The following PAPPA2 variants were observed in gnomAD, a reference collection of about 807,000 sequenced individuals.
PAPPA2 encodes the protein pappalysin 2, also known as pappalysin-2.
A neutral mutation model predicts 176.4 loss-of-function variants in PAPPA2; 86 were observed. The observed-to-expected ratio is 0.49, with a 90% CI of 0.41 to 0.58. The LOEUF (loss-of-function observed/expected upper bound fraction) is 0.58. PAPPA2 is among the 20% of genes least tolerant of loss of function. The probability of loss-of-function intolerance (pLI) is 0.00; values close to 1 mark genes in which losing one functional copy is unlikely to be tolerated. For synonymous variants in PAPPA2, 809 were observed against 852.2 expected, an observed-to-expected ratio of 0.95 and a Z score of 0.88; for missense variants, 2,073 against 2,256.9, an observed-to-expected ratio of 0.92 and a Z score of 1.65.
At chr1:176,632,326 T>C (rs1040640502) in intron 3 of PAPPA2, among the ~76,000 whole-genome samples, 6 of 151,424 alleles carry the variant, frequency 4.0e-5, no homozygotes, top group Non-Finnish European at 8.8e-5. Context: ...CTTTGAAGTT[T>C]TGTGGGCTAC....
At chr1:176,823,156 C>A (rs1193715417) in intron 21 of PAPPA2, among the ~76,000 whole-genome samples, 1 of 152,156 alleles carries the variant, frequency 6.6e-6, no homozygotes, top group South Asian at 2.1e-4. Flanking sequence ...GCTTCCTGCC[C>A]CTCCATTCCA....
At chr1:176,821,272 CAT>C (rs1666655500) in intron 21 of PAPPA2, among the ~76,000 whole-genome samples, 1 of 152,082 alleles carries the variant, frequency 6.6e-6, no homozygotes. Flanking sequence ...ATAATACAAT[CAT>C]ATGAATAAGG....
intron 17 of PAPPA2, among the ~76,000 whole-genome samples, chr1:176,773,209 G>A (rs894578494): frequency 2.0e-5 from 3 of 152,156 alleles, no homozygotes; most frequent in African/African-American, 7.2e-5. Flanking sequence ...TATTTACCAC[G>A]TTATGTAAGC....
intron 3 of PAPPA2, among the ~76,000 whole-genome samples, chr1:176,670,441 C>G (rs1658925943): frequency 6.6e-6 from 1 of 152,282 alleles, no homozygotes; most frequent in Non-Finnish European, 1.5e-5. Context: ...TCCTTCCCTG[C>G]TTATAACTCA....
At chr1:176,579,024 G>A (rs1347176463) in intron 2 of PAPPA2, among the ~76,000 whole-genome samples, 1 of 152,082 alleles carries the variant, frequency 6.6e-6, no homozygotes, top group Non-Finnish European at 1.5e-5. Flanking sequence ...CCCCTCATTA[G>A]GGTGGTGGGG....
intron 2 of PAPPA2, among the ~76,000 whole-genome samples, chr1:176,576,884 A>G (rs1652680080): frequency 1.3e-5 from 2 of 151,498 alleles, no homozygotes; most frequent in South Asian, 2.1e-4. Flanking sequence ...CTGATTTTAG[A>G]TAGTGTAGAA....
chr1:176,746,336 C>T (rs1395038607), intron 14 of PAPPA2, among the ~76,000 whole-genome samples: 1 of 152,162 alleles, frequency 6.6e-6, no homozygotes, highest in African/African-American at 2.4e-5. Flanking sequence ...CAAGAGGAAA[C>T]CTCTGTTCTC....
At chr1:176,683,899 CT>C (rs780133015) in intron 4 of PAPPA2, among the ~76,000 whole-genome samples, 1 of 152,178 alleles carries the variant, frequency 6.6e-6, no homozygotes, top group Non-Finnish European at 1.5e-5. Context: ...GTACAATCAA[CT>C]TTATTGGACC....
chr1:176,496,384 A>G (rs1427204502), intron 1 of PAPPA2, among the ~76,000 whole-genome samples: 1 of 152,144 alleles, frequency 6.6e-6, no homozygotes, highest in East Asian at 1.9e-4. Flanking sequence ...AGAAGATGAA[A>G]CCTTTGTCCT....
chr1:176,759,579 A>T (rs1471475240), intron 14 of PAPPA2, among the ~76,000 whole-genome samples: 1 of 152,156 alleles, frequency 6.6e-6, no homozygotes, highest in Non-Finnish European at 1.5e-5. Context: ...CCTCAGGGAA[A>T]CCTTGAACCA....
At chr1:176,749,682 A>G (rs1663077526) in intron 14 of PAPPA2, among the ~76,000 whole-genome samples, 2 of 152,208 alleles carry the variant, frequency 1.3e-5, no homozygotes. Flanking sequence ...TGCCTTTTCC[A>G]TAATGTCATA....
At chr1:176,793,427 C>A in intron 19 of PAPPA2, 133 bp from the exon 20 acceptor site, 1 of 709,166 alleles carries the variant, frequency 1.4e-6, no homozygotes, top group Non-Finnish European at 2.4e-6. Context: ...ATCAGCCCTG[C>A]CTACAACGTC....
intron 3 of PAPPA2, among the ~76,000 whole-genome samples, chr1:176,650,113 T>C (rs866846250): frequency 1.6e-4 from 24 of 151,606 alleles, no homozygotes; most frequent in African/African-American, 5.8e-4. Context: ...CATTATATTA[T>C]CTCGCTCAAT....
At chr1:176,763,646 C>T (rs1275546496) in intron 14 of PAPPA2, among the ~76,000 whole-genome samples, 1 of 152,068 alleles carries the variant, frequency 6.6e-6, no homozygotes, top group Non-Finnish European at 1.5e-5. Context: ...CTAGTTGGAA[C>T]ATTGAGCATT....
At chr1:176,731,887 TC>T (rs1362716423) in intron 12 of PAPPA2, among the ~76,000 whole-genome samples, 1 of 152,160 alleles carries the variant, frequency 6.6e-6, no homozygotes, top group Non-Finnish European at 1.5e-5. Flanking sequence ...GAATTTTTTT[TC>T]TTTAGTATGG....
At chr1:176,744,159 A>G (rs1662804353) in intron 14 of PAPPA2, among the ~76,000 whole-genome samples, 1 of 152,078 alleles carries the variant, frequency 6.6e-6, no homozygotes, top group Non-Finnish European at 1.5e-5. Flanking sequence ...ATTTTTTGTG[A>G]GCCTTTTATC....
intron 3 of PAPPA2, among the ~76,000 whole-genome samples, chr1:176,650,223 T>C (rs1219523545): frequency 6.6e-6 from 1 of 151,436 alleles, no homozygotes; most frequent in Non-Finnish European, 1.5e-5. Flanking sequence ...CTCCTGCCCA[T>C]TTTTGGTTTC....
chr1:176,489,058 A>G (rs1168251056), intron 1 of PAPPA2, among the ~76,000 whole-genome samples: 1 of 152,164 alleles, frequency 6.6e-6, no homozygotes, highest in African/African-American at 2.4e-5. Flanking sequence ...CACCACCCAT[A>G]CTTTACATAG....
At chr1:176,704,217 T>C (rs762292695) in intron 9 of PAPPA2, among the ~76,000 whole-genome samples, 10 of 152,212 alleles carry the variant, frequency 6.6e-5, no homozygotes, top group African/African-American at 9.6e-5. Flanking sequence ...AAGGCAGCAC[T>C]GCTTGGCTAC....
Sources: allele counts gnomAD v4.1 joint callset (sites outside exome capture counted in the v4.1 genomes callset), GRCh38; gene constraint gnomAD v4.1.1; transcripts MANE v1.5; gene names NCBI Gene and HGNC (gene_info 2026-07-23, HGNC 2026-07-21).